The following RAB3GAP1 variants were observed in gnomAD, a reference collection of about 807,000 sequenced individuals.
RAB3GAP1 encodes the protein rab3 GTPase-activating protein catalytic subunit.
In RAB3GAP1, 86 loss-of-function variants were observed where a neutral mutation model predicts 130.7. That is an observed-to-expected ratio of 0.66 (90% CI 0.55 to 0.79). The LOEUF (loss-of-function observed/expected upper bound fraction) is 0.79, where lower values mean the gene tolerates loss of function less well. RAB3GAP1 is among the 30% of genes least tolerant of loss of function. The pLI is 0.00. For synonymous variants in RAB3GAP1, 367 were observed against 401.7 expected (o/e 0.91, Z 1.03); for missense variants, 1,029 against 1,169.4 (o/e 0.88, Z 1.75).
chr2:135,057,899 G>A, intron 2 of RAB3GAP1, 112 bp from the exon 3 acceptor site: 1 of 763,602 alleles, frequency 1.3e-6, no homozygotes, highest in Non-Finnish European at 2.3e-6. Context: ...AATGTACTGA[G>A]TCCTCTCTGG....
In RAB3GAP1 at chr2:135,115,295, A is replaced by T; in HGVS notation, c.562A>T (p.Thr188Ser). ...AGAATGTCAAGGTCCTGGTGTACGA[A>T]CTGATTTCGAAATGGTTCATCTTAG... ...VGECQGPGVR[T>S]DFEMVHLRKV... Residue 188 changes from threonine (T) to serine (S), a missense_variant, in exon 7 of 24, where the codon ACT becomes TCT. Around this residue, in one of 3 missense-constraint regions of RAB3GAP1, gnomAD observed 510 missense variants for 532.1 expected, o/e 0.96. Transcript: ENST00000264158. The T allele has an allele frequency of 6.2e-7, 1 of 1,613,402 alleles. No individual in the cohort carries two copies. Among genetic ancestry groups the T allele is most frequent in the Non-Finnish European group, 8.5e-7 (1 of 1,179,378 alleles).
At chr2:135,092,774 T>G (rs564693273) in intron 4 of RAB3GAP1, among the ~76,000 whole-genome samples, 1 of 152,310 alleles carries the variant, frequency 6.6e-6, no homozygotes, top group Admixed American at 6.5e-5. Context: ...AAGGCATTGT[T>G]GCAAGTGTAC....
At chr2:135,118,278 T>TAAA (rs370610271) in intron 7 of RAB3GAP1, among the ~76,000 whole-genome samples, 1 of 149,492 alleles carries the variant, frequency 6.7e-6, no homozygotes, top group Non-Finnish European at 1.5e-5. Context: ...TAGCAGTAGT[T>TAAA]AAAAAAAAAA....
At chr2:135,141,726 ATTGT>A (rs1300512821) in intron 17 of RAB3GAP1, among the ~76,000 whole-genome samples, 3 of 152,126 alleles carry the variant, frequency 2.0e-5, no homozygotes, top group Middle Eastern at 3.2e-3. Flanking sequence ...CCTCAAATTA[ATTGT>A]TTGGTAAGAG....
chr2:135,127,329 T>TTTTGTTTG (rs75988598), intron 11 of RAB3GAP1, among the ~76,000 whole-genome samples: 10 of 150,956 alleles, frequency 6.6e-5, no homozygotes, highest in South Asian at 4.2e-4. Context: ...AAGAGCACTG[T>TTTTGTTTG]TTTGTTTGTT....
At chr2:135,076,154 C>T (rs1016303438) in intron 3 of RAB3GAP1, among the ~76,000 whole-genome samples, 24 of 151,908 alleles carry the variant, frequency 1.6e-4, no homozygotes, top group African/African-American at 4.6e-4. Flanking sequence ...GCTGATCACC[C>T]GCCTCAGCCT....
intron 3 of RAB3GAP1, among the ~76,000 whole-genome samples, chr2:135,080,573 G>A (rs1335531391): frequency 6.6e-6 from 1 of 152,176 alleles, no homozygotes; most frequent in Non-Finnish European, 1.5e-5. Flanking sequence ...GCTTATTTGT[G>A]TTAACCAATG....
At chr2:135,116,105 G>A (rs1690963989) in intron 7 of RAB3GAP1, among the ~76,000 whole-genome samples, 1 of 152,146 alleles carries the variant, frequency 6.6e-6, no homozygotes, top group African/African-American at 2.4e-5. Flanking sequence ...TTTGGAGTAT[G>A]TTAAGTGCTA....
chr2:135,142,632 G>A (rs1691875009), intron 17 of RAB3GAP1, among the ~76,000 whole-genome samples: 1 of 151,900 alleles, frequency 6.6e-6, no homozygotes, highest in Non-Finnish European at 1.5e-5. Flanking sequence ...GGCACCTGAT[G>A]TAGATATCAC....
At chr2:135,137,153 G>T in intron 17 of RAB3GAP1, 1 of 373,666 alleles carries the variant, frequency 2.7e-6, no homozygotes, top group South Asian at 2.2e-5. Flanking sequence ...GGATATGAAG[G>T]AAATCCTCAG....
intron 16 of RAB3GAP1, 74 bp downstream of exon 16, chr2:135,135,393 T>C: frequency 2.7e-6 from 4 of 1,464,850 alleles, no homozygotes; most frequent in Non-Finnish European, 3.8e-6. Flanking sequence ...AATGTAATAA[T>C]GGGTTACATG....
At chr2:135,147,675 C>G (rs921165348) in intron 17 of RAB3GAP1, among the ~76,000 whole-genome samples, 1 of 141,638 alleles carries the variant, frequency 7.1e-6, no homozygotes, top group Admixed American at 7.4e-5. Flanking sequence ...GAAGTGCACT[C>G]AATCATAGCT....
intron 5 of RAB3GAP1, among the ~76,000 whole-genome samples, chr2:135,107,332 G>A (rs372496915): frequency 1.8e-4 from 28 of 152,128 alleles, no homozygotes; most frequent in East Asian, 9.6e-4. Flanking sequence ...TTTAAAAAAA[G>A]CGTAAGATTG....
rs1558766661 is a variant in RAB3GAP1, at chr2:135,081,382, ATATATATATG to A, written c.151-9608_151-9599del. Among the ~76,000 whole-genome samples, 234 of 125,884 alleles carry A rather than the reference ATATATATATG, an allele frequency of 1.9e-3. 3 individuals are homozygous for A. Among genetic ancestry groups the A allele is most frequent in the African/African-American group, 7.0e-3 (218 of 31,324 alleles). The allele number at this position is 125,884 out of a possible 152,430, so 82.6% of individuals were successfully genotyped here. ...TATATACACACACGTGTGTGTGTGTATATATATATGTATATATGTGTGTGTATATATATGT... is the reference window on the plus strand; with the variant it reads ...TATATACACACACGTGTGTGTGTGTATATATATGTGTGTGTATATATATGT... On this transcript the variant is annotated intron_variant, in intron 3 of 23. Transcript: ENST00000264158.
At chr2:135,060,691 CTAT>C (rs1054670921) in intron 3 of RAB3GAP1, among the ~76,000 whole-genome samples, 1 of 151,402 alleles carries the variant, frequency 6.6e-6, no homozygotes, top group Non-Finnish European at 1.5e-5. Context: ...CAGTCATCTG[CTAT>C]TATTATTATT....
At chr2:135,055,902 T>C (rs1286787515) in intron 2 of RAB3GAP1, among the ~76,000 whole-genome samples, 2 of 152,016 alleles carry the variant, frequency 1.3e-5, no homozygotes, top group Non-Finnish European at 2.9e-5. Flanking sequence ...AGTGGCGCGA[T>C]CTCGGCTCAC....
In RAB3GAP1 at chr2:135,162,933, G is replaced by T. The variant is rs112764908; in HGVS notation, c.2491-53G>T. The T allele has an allele frequency of 1.5e-5, 23 of 1,576,894 alleles. No homozygotes were observed. The Admixed American group carries it at 3.8e-4, about 26-fold the overall frequency. ...AATTTTTAAGATGCGTTTTCAAAGG[G>T]CTTTGCTTTTTTGCCATCTCGCAAT... On this transcript the variant is annotated intron_variant, in intron 21 of 23. Coordinates refer to ENST00000264158, the MANE Select transcript of RAB3GAP1 (RefSeq NM_012233.3).
At chr2:135,061,988 A>G (rs1455846386) in intron 3 of RAB3GAP1, among the ~76,000 whole-genome samples, 2 of 151,928 alleles carry the variant, frequency 1.3e-5, no homozygotes, top group Non-Finnish European at 2.9e-5. Flanking sequence ...ATTCTGTTTC[A>G]TTAGTCTATT....
At chr2:135,127,433 T>C (rs1691385668) in intron 11 of RAB3GAP1, among the ~76,000 whole-genome samples, 1 of 151,994 alleles carries the variant, frequency 6.6e-6, no homozygotes, top group Admixed American at 6.6e-5. Context: ...AAGCTCCGCC[T>C]CCCGGGTTCA....
Sources: gnomAD v4.1 joint callset for allele counts (sites outside exome capture counted in the v4.1 genomes callset) on GRCh38, gnomAD v4.1.1 for gene constraint, gnomAD v4.1.1 regional missense constraint, MANE v1.5 for transcripts, NCBI Gene and HGNC (gene_info 2026-07-23, HGNC 2026-07-21) for gene names.